The following DGKH variants were observed in gnomAD, a reference collection of about 807,000 sequenced individuals.
The protein encoded by DGKH is diacylglycerol kinase eta, also known as DAG kinase eta.
DGKH carries 90 observed loss-of-function variants against 159.3 expected under a neutral mutation model. That is an observed-to-expected ratio of 0.57 (90% confidence interval 0.48 to 0.67). DGKH has a LOEUF of 0.67. Ranked by LOEUF, DGKH falls within the 30% of genes least tolerant of loss-of-function variation. The probability of loss-of-function intolerance (pLI) is 0.00; values close to 1 mark genes in which losing one functional copy is unlikely to be tolerated. For missense variants in DGKH, 1,181 were observed against 1,506.1 expected, an observed-to-expected ratio of 0.78 and a Z score of 3.57; for synonymous variants, 536 against 553.8, an observed-to-expected ratio of 0.97 and a Z score of 0.45.
At chr13:42,247,062 A>C (rs932129121), downstream of DGKH, among the ~76,000 whole-genome samples, 18 of 152,176 alleles carry the variant, frequency 1.2e-4, no homozygotes, top group Non-Finnish European at 1.9e-4. Flanking sequence ...ACAACATTGT[A>C]GTACAACACA....
intron 3 of DGKH, chr13:42,140,533 G>T (rs1180042337): frequency 1.3e-5 from 2 of 152,250 alleles, no homozygotes; most frequent in East Asian, 3.8e-4. Flanking sequence ...ATGAAAACAG[G>T]CAAGGATGGG....
In DGKH at chr13:42,233,879, G is replaced by A. The variant is rs1958358355; in HGVS notation, c.*4691G>A. On this transcript the variant is annotated 3_prime_UTR_variant, in exon 30 of 30. Transcript: ENST00000337343. ...TTTCTCTTATCAGTAGATTGTCCTT[G>A]TTGACATAGCTCATGCATGAGGACA... The A allele has an allele frequency of 6.6e-6, 1 of 152,154 alleles. No homozygotes were observed. The highest frequency in any genetic ancestry group is 6.5e-5 in the Admixed American group (1 of 15,268). The allele number at this position is 152,154 out of a possible 1,614,324, so 9.4% of individuals were successfully genotyped here.
chr13:42,136,765 A>C (rs1955410649), intron 3 of DGKH, among the ~76,000 whole-genome samples: 1 of 152,228 alleles, frequency 6.6e-6, no homozygotes, highest in Admixed American at 6.5e-5. Flanking sequence ...TCGGTTGATG[A>C]AACACAGGCA....
intron 1 of DGKH, among the ~76,000 whole-genome samples, chr13:42,085,052 C>A (rs1016241565): frequency 1.3e-5 from 2 of 151,468 alleles, no homozygotes; most frequent in African/African-American, 4.9e-5. Context: ...TTTGAGTTAC[C>A]CATTTTATGA....
At chr13:42,150,408 C>T (rs140231655) in intron 3 of DGKH, among the ~76,000 whole-genome samples, 11 of 152,334 alleles carry the variant, frequency 7.2e-5, no homozygotes, top group African/African-American at 2.2e-4. Context: ...GACCTGACTA[C>T]ATCTTCTGCC....
At chr13:42,225,311 G>C (rs1251395089) in intron 29 of DGKH, 2 of 1,584,152 alleles carry the variant, frequency 1.3e-6, no homozygotes, top group African/African-American at 2.7e-5. Flanking sequence ...AGAAAAAAGA[G>C]ACACCAAAGA....
chr13:42,169,885 C>T (rs1485004956), intron 11 of DGKH, among the ~76,000 whole-genome samples: 1 of 152,064 alleles, frequency 6.6e-6, no homozygotes, highest in Admixed American at 6.6e-5. Flanking sequence ...AGCCTCCATC[C>T]TTTAAAATAA....
upstream of DGKH, chr13:42,043,809 A>ATAACAATAGCATGCATG (rs1332748454): frequency 6.6e-6 from 1 of 152,158 alleles, no homozygotes; most frequent in Non-Finnish European, 1.5e-5. Flanking sequence ...GCATGTACAT[A>ATAACAATAGCATGCATG]TAACAATAGC....
intron 16 of DGKH, among the ~76,000 whole-genome samples, chr13:42,191,593 AG>A (rs1036526535): frequency 6.6e-6 from 1 of 152,156 alleles, no homozygotes; most frequent in Non-Finnish European, 1.5e-5. Flanking sequence ...TTTCTGCTTG[AG>A]CTGTGGCATG....
chr13:42,159,029 C>T (rs985607397), intron 5 of DGKH, among the ~76,000 whole-genome samples: 1 of 151,972 alleles, frequency 6.6e-6, no homozygotes, highest in Non-Finnish European at 1.5e-5. Flanking sequence ...CTTTTCTGTT[C>T]CTCTAAGTAG....
At chr13:42,070,703 G>A in intron 1 of DGKH, 1 of 1,611,620 alleles carries the variant, frequency 6.2e-7, no homozygotes, top group Non-Finnish European at 8.5e-7. Context: ...TACATGAAAA[G>A]CCTGGCATGC....
intron 1 of DGKH, among the ~76,000 whole-genome samples, chr13:42,123,183 A>G (rs997565628): frequency 3.3e-5 from 5 of 152,192 alleles, no homozygotes; most frequent in Non-Finnish European, 5.9e-5. Context: ...CAAAATGTAT[A>G]TTATAAATTT....
At chr13:42,165,472 A>G in intron 8 of DGKH, 39 bp downstream of exon 8, 1 of 1,145,738 alleles carries the variant, frequency 8.7e-7, no homozygotes, top group Admixed American at 2.6e-5. Context: ...TTTCTGGTAT[A>G]TTTAACATTG....
At chr13:42,085,315 C>A (rs1954281501) in intron 1 of DGKH, among the ~76,000 whole-genome samples, 1 of 152,120 alleles carries the variant, frequency 6.6e-6, no homozygotes, top group African/African-American at 2.4e-5. Flanking sequence ...TCTCCCTTCC[C>A]CCTATGCTTC....
In DGKH at chr13:42,048,988, G is replaced by A; in HGVS notation, c.192+23G>A. ...AAGGTAGGGCGGAGGAGGCGGGCCTGAGGGCCGCGTGGAAAGCGGGAGGTG... is the reference window on the plus strand; with the variant it reads ...AAGGTAGGGCGGAGGAGGCGGGCCTAAGGGCCGCGTGGAAAGCGGGAGGTG... On this transcript the variant is annotated intron_variant, in intron 1 of 29. Coordinates refer to ENST00000337343, the MANE Select transcript of DGKH (RefSeq NM_178009.5). The surrounding 1 kb of genome is among the most constrained non-coding windows in gnomAD (Gnocchi z 6.7). 7.9e-7 allele frequency: 1 copy of A among 1,268,914 alleles called. No homozygotes were observed. The highest frequency in any genetic ancestry group is 1.5e-5 in the African/African-American group (1 of 65,450). 78.6% of individuals were successfully genotyped at this position (1,268,914 alleles called of 1,614,324 possible).
At chr13:42,118,280 A>C (rs536950205) in intron 1 of DGKH, among the ~76,000 whole-genome samples, 77 of 152,038 alleles carry the variant, frequency 5.1e-4, no homozygotes, top group Non-Finnish European at 9.9e-4. Flanking sequence ...CCCCTCAATC[A>C]GGGGCCCAGC....
At chr13:42,199,986 A>G in intron 20 of DGKH, 77 bp downstream of exon 20, 1 of 1,260,432 alleles carries the variant, frequency 7.9e-7, no homozygotes, top group Non-Finnish European at 1.1e-6. Flanking sequence ...AATTTGACCT[A>G]AATGCGTTTT....
rs1306921197 is a variant in DGKH at position 42,166,436 on chromosome 13, TTTC to T, written c.959-76_959-74del. 7.0e-6 allele frequency: 9 copies of T among 1,276,854 alleles called. No homozygotes were observed. The African/African-American group carries it at 7.6e-5, about 11-fold the overall frequency. The allele number at this position is 1,276,854 out of a possible 1,614,324, so 79.1% of individuals were successfully genotyped here. Reference sequence around the variant, plus strand: ...AATGCTCCAGTTTTTATGAATTTATTTTCTTTTCTCTGAATGTTTGCTAATAAT... The same window carrying T: ...AATGCTCCAGTTTTTATGAATTTATTTTTTCTCTGAATGTTTGCTAATAAT... On this transcript the variant is annotated intron_variant, in intron 8 of 29. Transcript: ENST00000337343.
rs1267623296 is a variant in DGKH, at chr13:42,209,424, A to G, written c.2809A>G (p.Ile937Val). Residue 937 changes from isoleucine (I) to valine (V), a missense_variant, in exon 23 of 30, where the codon ATT (isoleucine) becomes GTT (valine). By Grantham distance (29) the Ile-to-Val change is conservative. Around this residue, in one of 5 missense-constraint regions of DGKH, gnomAD observed 335 missense variants for 495.2 expected, o/e 0.68. Transcript: ENST00000337343. ...GGTTCAGCCTCCAGGGATTATCAAA[A>G]TTGTGCACAAAAACAGAGCACAAAT... ...AWVQPPGIIK[I>V]VHKNRAQMLT... 2.5e-6 allele frequency: 4 copies of G among 1,613,384 alleles called. No homozygotes were observed. Among genetic ancestry groups the G allele is most frequent in the Non-Finnish European group, 3.4e-6 (4 of 1,179,766 alleles).
Sources: gnomAD v4.1 joint callset for allele counts (sites outside exome capture counted in the v4.1 genomes callset) on GRCh38, gnomAD v4.1.1 for gene constraint, gnomAD v4.1.1 regional missense constraint, Gnocchi (gnomAD v3.1) non-coding constraint, MANE v1.5 for transcripts, NCBI Gene and HGNC (gene_info 2026-07-23, HGNC 2026-07-21) for gene names.